The following KITLG variants were observed in gnomAD, a reference collection of about 807,000 sequenced individuals.
The protein encoded by KITLG is KIT ligand, also known as c-Kit ligand.
A neutral mutation model predicts 34.1 loss-of-function variants in KITLG; 13 were observed. That is an observed-to-expected ratio of 0.38 (90% CI 0.25 to 0.61). The LOEUF (loss-of-function observed/expected upper bound fraction) is 0.61, where lower values mean the gene tolerates loss of function less well. Ranked by LOEUF, KITLG falls within the 20% of genes least tolerant of loss-of-function variation. The probability of loss-of-function intolerance (pLI) is 0.60; values close to 1 mark genes in which losing one functional copy is unlikely to be tolerated. For synonymous variants in KITLG, 110 were observed against 104.0 expected (o/e 1.06, Z -0.35); for missense variants, 292 against 318.9 (o/e 0.92, Z 0.64).
chr12:88,532,509 G>GAA lies in KITLG; in HGVS notation c.130-7_130-6insTT. The GAA allele has an allele frequency of 6.3e-7, 1 of 1,587,298 alleles. No homozygotes were observed. The highest frequency in any genetic ancestry group is 1.7e-5 in the Admixed American group (1 of 57,214). On this transcript the variant is annotated splice_polypyrimidine_tract_variant and splice_region_variant and intron_variant, in intron 2 of 9. Transcript: ENST00000644744. ...TCTTTTGGAAGATTTGCCACCTACA[G>GAA]AGACAAAAAAAAAAATTCCATAAGA...
intron 6 of KITLG, 65 bp from the exon 7 acceptor site, chr12:88,507,202 G>A (rs1869099280): frequency 9.7e-7 from 1 of 1,032,208 alleles, no homozygotes. Context: ...CTCTTATGCT[G>A]TGGTTGTTTT....
chr12:88,548,566 T>C (rs917850248), intron 1 of KITLG, among the ~76,000 whole-genome samples: 10 of 152,072 alleles, frequency 6.6e-5, no homozygotes, highest in Non-Finnish European at 1.5e-4. Context: ...CGTGTGGCAA[T>C]GATAGGTGAT....
At chr12:88,538,370 C>T (rs774411657) in intron 2 of KITLG, among the ~76,000 whole-genome samples, 11 of 151,774 alleles carry the variant, frequency 7.2e-5, no homozygotes, top group Non-Finnish European at 1.3e-4. Flanking sequence ...TCTGCTTAGA[C>T]ACATAGCATC....
intron 9 of KITLG, among the ~76,000 whole-genome samples, chr12:88,504,712 CT>C (rs1868985986): frequency 6.6e-6 from 1 of 152,110 alleles, no homozygotes; most frequent in Non-Finnish European, 1.5e-5. Flanking sequence ...GTGGTGATTC[CT>C]CAGGGATCTA....
At position 88,516,410 on chromosome 12, in the gene KITLG, A is replaced by G. The variant is rs765961025; in HGVS notation, c.444T>C (p.Ile148=). 2 of 1,609,706 alleles carry G rather than the reference A, an allele frequency of 1.2e-6. No homozygotes were observed. Among genetic ancestry groups the G allele is most frequent in the Non-Finnish European group, 8.5e-7 (1 of 1,176,744 alleles). Residue 148 remains isoleucine, a synonymous_variant, in exon 5 of 10, where the codon ATT becomes ATC. Transcript: ENST00000644744. ...CCACTACAAAGTCCTTGAAGGCATC[A>G]ATGGATCTATTAAAAATTCTAAAGA... The part of the protein sequence containing the change: ...EEFFRIFNRS[I]DAFKDFVVAS...
At chr12:88,530,033 T>C (rs1870025050) in intron 3 of KITLG, among the ~76,000 whole-genome samples, 8 of 152,222 alleles carry the variant, frequency 5.3e-5, no homozygotes, top group Admixed American at 5.2e-4. Context: ...CATTGAAATC[T>C]ATGATTTAGC....
intron 5 of KITLG, 103 bp from the exon 6 acceptor site, chr12:88,515,720 T>C (rs1869431694): frequency 1.3e-6 from 1 of 792,886 alleles, no homozygotes; most frequent in Non-Finnish European, 2.2e-6. Context: ...CCAGGTCTGC[T>C]TCCCAAATCT....
chr12:88,539,110 G>A (rs1870429786), intron 2 of KITLG, among the ~76,000 whole-genome samples: 1 of 152,056 alleles, frequency 6.6e-6, no homozygotes, highest in South Asian at 2.1e-4. Context: ...ATAACTCAAA[G>A]TCAGAACACT....
At chr12:88,569,554 G>A (rs961348476) in intron 1 of KITLG, among the ~76,000 whole-genome samples, 1 of 152,104 alleles carries the variant, frequency 6.6e-6, no homozygotes, top group African/African-American at 2.4e-5. Flanking sequence ...GTCCAGCACT[G>A]GACTAAGTGC....
intron 1 of KITLG, among the ~76,000 whole-genome samples, chr12:88,552,887 A>G (rs1870967220): frequency 1.3e-5 from 2 of 152,200 alleles, no homozygotes; most frequent in Non-Finnish European, 2.9e-5. Context: ...CAGCCTATAA[A>G]ATGATAGTAA....
chr12:88,529,257 A>C (rs919037389), intron 3 of KITLG, among the ~76,000 whole-genome samples: 3 of 152,216 alleles, frequency 2.0e-5, no homozygotes, highest in African/African-American at 7.2e-5. Context: ...GGTGTGTGGC[A>C]ACAATTCAGC....
rs1350080426 is a variant in KITLG, at chr12:88,580,463, G to C, written c.-185C>G. 2.7e-6 allele frequency: 2 copies of C among 728,716 alleles called. No individual in the cohort carries two copies. The highest frequency in any genetic ancestry group is 1.8e-5 in the South Asian group (1 of 55,580). The allele number at this position is 728,716 out of a possible 1,614,324, so 45.1% of individuals were successfully genotyped here. A position where few individuals can be genotyped will look rare whatever the true frequency, so the allele number is the denominator to read the frequency against. The stretch of plus-strand genomic sequence containing the variant: ...GCTTCTAGTCTCGGCGCGAGGCGGC[G>C]AGCGAAGCCCGGCTGCTGAGCCGCC... On this transcript the variant is annotated 5_prime_UTR_variant, in exon 1 of 10. Transcript: ENST00000644744.
At chr12:88,511,731 A>T (rs1014324813) in intron 6 of KITLG, among the ~76,000 whole-genome samples, 11 of 152,222 alleles carry the variant, frequency 7.2e-5, no homozygotes, top group African/African-American at 2.7e-4. Flanking sequence ...AGGCCCTAGC[A>T]GACACAGAAC....
intron 3 of KITLG, among the ~76,000 whole-genome samples, chr12:88,526,811 A>G (rs1447806522): frequency 2.0e-5 from 3 of 151,830 alleles, no homozygotes; most frequent in Non-Finnish European, 4.4e-5. Context: ...ACTGGTAACG[A>G]TAACGATAAA....
chr12:88,523,258 C>G (rs766455250), intron 3 of KITLG, among the ~76,000 whole-genome samples: 1 of 152,148 alleles, frequency 6.6e-6, no homozygotes, highest in Non-Finnish European at 1.5e-5. Context: ...TACTGAGGAC[C>G]AGTCTCACCA....
rs185372924 is a variant in KITLG, at chr12:88,523,807, T to C, written c.193-4940A>G. Among the ~76,000 whole-genome samples, 89 of 152,330 alleles carry C rather than the reference T, an allele frequency of 5.8e-4. 2 individuals carry two copies. In the East Asian group the frequency reaches 0.015, roughly 26 times the overall value. On this transcript the variant is annotated intron_variant, in intron 3 of 9. Transcript: ENST00000644744. Reference sequence around the variant, plus strand: ...TGGGTTTTGTAATGATTTATTTTAGTCCTCTCCCTAAACAATTAATTTGGG... The same window carrying C: ...TGGGTTTTGTAATGATTTATTTTAGCCCTCTCCCTAAACAATTAATTTGGG...
chr12:88,564,576 T>A (rs1871386215), intron 1 of KITLG, among the ~76,000 whole-genome samples: 2 of 152,220 alleles, frequency 1.3e-5, no homozygotes, highest in South Asian at 2.1e-4. Context: ...TGCTCACCAT[T>A]TGTGTGTTAT....
intron 2 of KITLG, among the ~76,000 whole-genome samples, chr12:88,534,513 C>T (rs560099387): frequency 1.6e-4 from 24 of 152,072 alleles, no homozygotes; most frequent in South Asian, 4.2e-4. Context: ...ATTACAGGCA[C>T]GCACCACTAC....
At position 88,580,355 on chromosome 12, in the gene KITLG, T is replaced by G; in HGVS notation, c.-77A>C. The G allele has an allele frequency of 6.5e-7, 1 of 1,544,050 alleles. No homozygotes were observed. The highest frequency in any genetic ancestry group is 1.7e-4 in the Middle Eastern group (1 of 5,964). ...TTAGCTGTTCTGGAGCTCCAGCATA[T>G]TGCACGAACAGCGGCGGCAGATAGT... On this transcript the variant is annotated 5_prime_UTR_variant, in exon 1 of 10. Coordinates refer to ENST00000644744, the MANE Select transcript of KITLG (RefSeq NM_000899.5).
Sources: allele counts gnomAD v4.1 joint callset (sites outside exome capture counted in the v4.1 genomes callset), GRCh38; gene constraint gnomAD v4.1.1; transcripts MANE v1.5; gene names NCBI Gene and HGNC (gene_info 2026-07-23, HGNC 2026-07-21).